The following PAICS variants were observed in gnomAD, a reference collection of about 807,000 sequenced individuals.
The protein encoded by PAICS is bifunctional phosphoribosylaminoimidazole carboxylase/phosphoribosylaminoimidazole succinocarboxamide synthetase.
A neutral mutation model predicts 53.7 loss-of-function variants in PAICS; 33 were observed. That is an observed-to-expected ratio of 0.61 (90% CI 0.47 to 0.82). The LOEUF (loss-of-function observed/expected upper bound fraction) is 0.82. Ranked by LOEUF, PAICS falls within the 40% of genes least tolerant of loss-of-function variation. The pLI, the probability that PAICS is intolerant of heterozygous loss-of-function variation, is 0.00. For missense variants in PAICS, 394 were observed against 494.1 expected (o/e 0.80, Z 1.92); for synonymous variants, 141 against 167.2 (o/e 0.84, Z 1.21).
At chr4:56,432,807 A>C (rs909131989), upstream of PAICS, among the ~76,000 whole-genome samples, 3 of 150,480 alleles carry the variant, frequency 2.0e-5, no homozygotes, top group South Asian at 2.1e-4. Flanking sequence ...AAAAAAATCA[A>C]GAAGATAATA....
At chr4:56,450,560 C>G in intron 5 of PAICS, 59 bp from the exon 6 acceptor site, 1 of 910,210 alleles carries the variant, frequency 1.1e-6, no homozygotes, top group Admixed American at 2.1e-5. Flanking sequence ...ACTCAGAAAC[C>G]AAATAGTTTC....
chr4:56,458,489 G>A (rs1305407151), intron 8 of PAICS, among the ~76,000 whole-genome samples: 1 of 152,100 alleles, frequency 6.6e-6, no homozygotes, highest in African/African-American at 2.4e-5. Context: ...TGTCACATCA[G>A]GTAGCTACTA....
Position 56,438,371 on chromosome 4 carries a change from T to TTATATATATATATATA in PAICS, c.16+2060_16+2075dup, listed in dbSNP as rs61681463. On this transcript the variant is annotated intron_variant, in intron 1 of 8. Coordinates refer to ENST00000512576, the MANE Select transcript of PAICS (RefSeq NM_001079524.2). ...AATAAAAAAAACTGGTGCAATGTGTTTATATATATATATATATATATATAT... is the reference window on the plus strand; with the variant it reads ...AATAAAAAAAACTGGTGCAATGTGTTTATATATATATATATATATATATATATATATATATATATAT... Among the ~76,000 whole-genome samples the TTATATATATATATATA allele has an allele frequency of 2.3e-3, 263 of 113,530 alleles. 3 individuals carry two copies. Among genetic ancestry groups the TTATATATATATATATA allele is most frequent in the Non-Finnish European group, 3.5e-3 (181 of 51,200 alleles). The allele number at this position is 113,530 out of a possible 152,430, so 74.5% of individuals were successfully genotyped here.
chr4:56,428,699 A>G, the PAICS span, among the ~76,000 whole-genome samples: 1 of 152,168 alleles, frequency 6.6e-6, no homozygotes, highest in Non-Finnish European at 1.5e-5. Flanking sequence ...TAAAAATGAA[A>G]TCCTTACACT....
At chr4:56,419,840 G>A in the PAICS span, 1 of 984,100 alleles carries the variant, frequency 1.0e-6, no homozygotes, top group Non-Finnish European at 1.2e-6. Flanking sequence ...ACTGGAAACA[G>A]TGCAGAACAA....
intron 5 of PAICS, among the ~76,000 whole-genome samples, chr4:56,449,722 A>T (rs1718801490): frequency 6.6e-6 from 1 of 151,796 alleles, no homozygotes; most frequent in Non-Finnish European, 1.5e-5. Context: ...TCACACCTAT[A>T]ATCCCAGCAC....
rs900997023 is a variant in PAICS, at chr4:56,462,626, A to G, written c.*3088A>G. On this transcript the variant is annotated 3_prime_UTR_variant, in exon 9 of 9. Coordinates refer to ENST00000512576, the MANE Select transcript of PAICS (RefSeq NM_001079524.2). ...TGAGTCAATATATGTAAGGCCCATC[A>G]TGGCACACAAATGTGTTATGTAATA... 2.0e-5 allele frequency: 3 copies of G among 152,340 alleles called. No homozygotes were observed. The highest frequency in any genetic ancestry group is 2.9e-5 in the Non-Finnish European group (2 of 68,028). The allele number at this position is 152,340 out of a possible 1,614,324, so 9.4% of individuals were successfully genotyped here.
the PAICS span, among the ~76,000 whole-genome samples, chr4:56,411,880 C>T: frequency 2.0e-5 from 3 of 152,270 alleles, no homozygotes; most frequent in South Asian, 4.1e-4. Context: ...TTCATGTTTA[C>T]AGCTCAGTAA....
chr4:56,446,372 C>T, intron 2 of PAICS: 1 of 717,920 alleles, frequency 1.4e-6, no homozygotes, highest in Non-Finnish European at 2.6e-6. Context: ...TCATATAAGT[C>T]AAATCGTAAG....
upstream of PAICS, among the ~76,000 whole-genome samples, chr4:56,432,851 A>C (rs1420979853): frequency 1.3e-5 from 2 of 151,742 alleles, no homozygotes; most frequent in South Asian, 2.1e-4. Context: ...AAAAAGGAAA[A>C]AAACACAATC....
chr4:56,439,381 C>T (rs951537932), intron 1 of PAICS, among the ~76,000 whole-genome samples: 2 of 152,130 alleles, frequency 1.3e-5, no homozygotes, highest in Admixed American at 6.5e-5. Flanking sequence ...GGATTACAGG[C>T]GTGCACCAAC....
At position 56,452,055 on chromosome 4, in the gene PAICS, A is replaced by G. The variant is rs756192619; in HGVS notation, c.952+3A>G. On this transcript the variant is annotated splice_donor_region_variant and intron_variant, in intron 7 of 8. Transcript: ENST00000512576. ...GAGGATTAAAGCTGAGTATGAAGGT[A>G]AACCACAAGTAATATGGACATTTCA... 1.3e-6 allele frequency: 2 copies of G among 1,573,088 alleles called. No homozygotes were observed. Among genetic ancestry groups the G allele is most frequent in the Non-Finnish European group, 8.7e-7 (1 of 1,149,078 alleles).
At chr4:56,411,735 G>T in the PAICS span, among the ~76,000 whole-genome samples, 1 of 152,142 alleles carries the variant, frequency 6.6e-6, no homozygotes, top group African/African-American at 2.4e-5. Flanking sequence ...TTAGTAATGC[G>T]AAACCTCAAA....
chr4:56,440,430 G>C lies in PAICS; in HGVS notation c.17-1233G>C, dbSNP rs186807813. Among the ~76,000 whole-genome samples the C allele has an allele frequency of 3.5e-3, 532 of 152,266 alleles. 2 individuals carry two copies. The highest frequency in any genetic ancestry group is 5.8e-3 in the Non-Finnish European group (393 of 68,018). ...TTAATGGTTACCTCCACTAGCTGGT[G>C]ATGTGGCCCCTGTCCAACTCTTAAG... On this transcript the variant is annotated intron_variant, in intron 1 of 8. Transcript: ENST00000512576.
Position 56,460,355 on chromosome 4 carries a change from TCTCA to T in PAICS, c.*822_*825del, listed in dbSNP as rs945009066. ...ATTGATGTTTTTCTCACGTTTCACA[TCTCA>T]CTCATCACCAAGTCATGTTGGTGTT... is the stretch of plus-strand genomic sequence containing the variant. On this transcript the variant is annotated 3_prime_UTR_variant, in exon 9 of 9. Coordinates refer to ENST00000512576, the MANE Select transcript of PAICS (RefSeq NM_001079524.2). 6.6e-6 allele frequency: 1 copy of T among 152,208 alleles called. No individual in the cohort carries two copies. The highest frequency in any genetic ancestry group is 2.4e-5 in the African/African-American group (1 of 41,458). 9.4% of individuals were successfully genotyped at this position (152,208 alleles called of 1,614,324 possible). A position where few individuals can be genotyped will look rare whatever the true frequency, so the allele number is the denominator to read the frequency against.
intron 8 of PAICS, among the ~76,000 whole-genome samples, chr4:56,455,708 T>G (rs139082037): frequency 1.1e-4 from 16 of 152,340 alleles, no homozygotes; most frequent in African/African-American, 3.8e-4. Flanking sequence ...GGAGCATTAT[T>G]ACTCCACTGT....
chr4:56,436,086 C>T, upstream of PAICS: 1 of 1,481,232 alleles, frequency 6.8e-7, no homozygotes, highest in Non-Finnish European at 8.9e-7. Flanking sequence ...CGTCTCTGCG[C>T]CTGCGCGGCG....
In PAICS at chr4:56,461,843, A is replaced by G. The variant is rs1719528168; in HGVS notation, c.*2305A>G. Reference sequence around the variant, plus strand: ...TACGGGCTTGTAGGTAAACATAAAAAGAGAAAAAATATCCCAATAATACAG... The same window carrying G: ...TACGGGCTTGTAGGTAAACATAAAAGGAGAAAAAATATCCCAATAATACAG... On this transcript the variant is annotated 3_prime_UTR_variant, in exon 9 of 9. Coordinates refer to ENST00000512576, the MANE Select transcript of PAICS (RefSeq NM_001079524.2). 6.6e-6 allele frequency: 1 copy of G among 152,034 alleles called. No homozygotes were observed. Among genetic ancestry groups the G allele is most frequent in the South Asian group, 2.1e-4 (1 of 4,818 alleles). 9.4% of individuals were successfully genotyped at this position (152,034 alleles called of 1,614,324 possible).
intron 1 of PAICS, among the ~76,000 whole-genome samples, chr4:56,438,441 T>C (rs1171919478): frequency 6.7e-6 from 1 of 149,818 alleles, no homozygotes; most frequent in Non-Finnish European, 1.5e-5. Context: ...TTTGTTTTGC[T>C]TTGTTTTTGA....
Sources: gnomAD v4.1 joint callset for allele counts (sites outside exome capture counted in the v4.1 genomes callset) on GRCh38, gnomAD v4.1.1 for gene constraint, MANE v1.5 for transcripts, NCBI Gene and HGNC (gene_info 2026-07-23, HGNC 2026-07-21) for gene names.